PRKCE: variants seen among roughly 807,000 people sequenced by gnomAD.
The protein encoded by PRKCE is protein kinase C epsilon.
A neutral mutation model predicts 85.4 loss-of-function variants in PRKCE; 16 were observed. That is an observed-to-expected ratio of 0.19 (90% CI 0.13 to 0.28). The LOEUF is 0.28. Ranked by LOEUF, PRKCE falls within the 10% of genes least tolerant of loss-of-function variation. PRKCE has a pLI of 1.00. For missense variants in PRKCE, 573 were observed against 975.2 expected (o/e 0.59, Z 5.49); for synonymous variants, 388 against 371.5 (o/e 1.04, Z -0.51).
At chr2:45,860,454 C>A (rs936678741) in intron 2 of PRKCE, among the ~76,000 whole-genome samples, 2 of 152,232 alleles carry the variant, frequency 1.3e-5, no homozygotes, top group Non-Finnish European at 2.9e-5. Context: ...TGGGCTGGCA[C>A]TCCTCTGAAG....
chr2:46,086,299 G>A lies in PRKCE; in HGVS notation c.1529G>A (p.Arg510Gln), dbSNP rs74990336. The A allele has an allele frequency of 5.3e-3, 8,538 of 1,599,648 alleles. 33 individuals carry two copies. Among genetic ancestry groups the A allele is most frequent in the Non-Finnish European group, 6.2e-3 (7,329 of 1,179,940 alleles). Reference sequence around the variant, plus strand: ...CGAAAATTCGACGAGCCTCGTTCACGGTTCTATGCTGCAGAGGTCACATCG... The same window carrying A: ...CGAAAATTCGACGAGCCTCGTTCACAGTTCTATGCTGCAGAGGTCACATCG... ...RSRKFDEPRS[R>Q]FYAAEVTSAL... is the part of the protein sequence containing the mutation. Residue 510 changes from arginine to glutamine, a missense_variant, in exon 11 of 15, where the codon CGG (arginine) becomes CAG (glutamine). This residue lies in a region of PRKCE where 89 missense variants were observed against 154.1 expected (regional missense o/e 0.58). Transcript: ENST00000306156.
chr2:45,763,834 G>A (rs1309237101), intron 1 of PRKCE, among the ~76,000 whole-genome samples: 1 of 152,178 alleles, frequency 6.6e-6, no homozygotes, highest in African/African-American at 2.4e-5. Flanking sequence ...CACACACCTT[G>A]TTAAAAGAAT....
At chr2:45,826,420 A>T (rs976998230) in intron 1 of PRKCE, among the ~76,000 whole-genome samples, 2 of 152,268 alleles carry the variant, frequency 1.3e-5, no homozygotes, top group African/African-American at 4.8e-5. Context: ...TAGAATAAAC[A>T]TAGACAGCAA....
At chr2:45,823,393 C>G in intron 1 of PRKCE, among the ~76,000 whole-genome samples, 1 of 152,314 alleles carries the variant, frequency 6.6e-6, no homozygotes, top group East Asian at 1.9e-4. Flanking sequence ...GAATTACTTT[C>G]GCAGACAGGC....
chr2:45,709,897 C>T (rs927731474), intron 1 of PRKCE, among the ~76,000 whole-genome samples: 3 of 152,166 alleles, frequency 2.0e-5, no homozygotes, highest in Admixed American at 1.3e-4. Flanking sequence ...GCAACCTCCA[C>T]CTCCCAGGTT....
chr2:45,680,039 C>T (rs958740232), intron 1 of PRKCE, among the ~76,000 whole-genome samples: 1 of 152,164 alleles, frequency 6.6e-6, no homozygotes, highest in African/African-American at 2.4e-5. Context: ...AACTATTAAA[C>T]AAGAGAGGTA....
intron 1 of PRKCE, among the ~76,000 whole-genome samples, chr2:45,754,285 A>T (rs1408230532): frequency 6.6e-6 from 1 of 152,238 alleles, no homozygotes; most frequent in African/African-American, 2.4e-5. Context: ...AGAGGCAAGG[A>T]GGCCAGGCAT....
At chr2:45,976,730 G>A in intron 3 of PRKCE, 142 bp downstream of exon 3, 1 of 1,050,238 alleles carries the variant, frequency 9.5e-7, no homozygotes, top group Non-Finnish European at 1.4e-6. Context: ...GGACTATTAT[G>A]GAAGGCTAAG....
chr2:46,110,167 TTGTC>T (rs1335841362), intron 11 of PRKCE, among the ~76,000 whole-genome samples: 1 of 152,146 alleles, frequency 6.6e-6, no homozygotes, highest in African/African-American at 2.4e-5. Context: ...TGTAATATCT[TTGTC>T]TGGTTTTAGT....
intron 2 of PRKCE, among the ~76,000 whole-genome samples, chr2:45,933,245 G>A (rs554691741): frequency 1.3e-5 from 2 of 152,262 alleles, no homozygotes; most frequent in East Asian, 1.9e-4. Context: ...TATATGAATT[G>A]CAAGTACCTT....
chr2:46,018,302 A>C (rs1391798354), intron 10 of PRKCE, among the ~76,000 whole-genome samples: 1 of 152,120 alleles, frequency 6.6e-6, no homozygotes. Flanking sequence ...ATGGGGCGCC[A>C]TGCTGCCTGC....
chr2:46,183,094 T>C (rs1218192704), intron 14 of PRKCE, among the ~76,000 whole-genome samples: 2 of 152,244 alleles, frequency 1.3e-5, no homozygotes, highest in African/African-American at 4.8e-5. Context: ...ATGCAAAGAT[T>C]CTTTGTAAAC....
chr2:45,854,996 T>C (rs1242170494), intron 2 of PRKCE, among the ~76,000 whole-genome samples: 1 of 152,206 alleles, frequency 6.6e-6, no homozygotes, highest in Non-Finnish European at 1.5e-5. Flanking sequence ...AGTAGGGAGC[T>C]CTCCATCTCT....
At chr2:45,744,499 CTT>C (rs59819241) in intron 1 of PRKCE, among the ~76,000 whole-genome samples, 2,243 of 39,344 alleles carry the variant, frequency 0.057, 181 homozygotes, top group African/African-American at 0.12. Flanking sequence ...TTCTTTCTTT[CTT>C]TTCTTTCTTT....
chr2:45,880,540 C>G (rs771746548), intron 2 of PRKCE, among the ~76,000 whole-genome samples: 1 of 152,034 alleles, frequency 6.6e-6, no homozygotes, highest in African/African-American at 2.4e-5. Flanking sequence ...CTATTTTTTT[C>G]TGCTTGGCAT....
chr2:46,065,697 A>C (rs1309337300), intron 10 of PRKCE, among the ~76,000 whole-genome samples: 8 of 152,220 alleles, frequency 5.3e-5, no homozygotes, highest in Non-Finnish European at 1.0e-4. Context: ...GAGGTCAGAA[A>C]CATATGGCAA....
chr2:46,010,868 C>T, intron 10 of PRKCE: 1 of 1,510,278 alleles, frequency 6.6e-7, no homozygotes, highest in Non-Finnish European at 8.8e-7. Flanking sequence ...CACTTAACTT[C>T]TAAGTTATTT....
intron 1 of PRKCE, among the ~76,000 whole-genome samples, chr2:45,804,053 G>A (rs1688066685): frequency 6.6e-6 from 1 of 152,202 alleles, no homozygotes; most frequent in African/African-American, 2.4e-5. Context: ...ACTAGACAGA[G>A]GGTCCTGGGT....
chr2:45,660,236 CCTT>C (rs1393310261), intron 1 of PRKCE, among the ~76,000 whole-genome samples: 1 of 152,084 alleles, frequency 6.6e-6, no homozygotes, highest in Admixed American at 6.5e-5. Context: ...CTTAAACAAT[CCTT>C]CTGTACAGTT....
Sources: allele counts gnomAD v4.1 joint callset (sites outside exome capture counted in the v4.1 genomes callset), GRCh38; gene constraint gnomAD v4.1.1; regional missense constraint gnomAD v4.1.1; transcripts MANE v1.5; gene names NCBI Gene and HGNC (gene_info 2026-07-23, HGNC 2026-07-21).